The following LRRC4B variants were observed in gnomAD, a reference collection of about 807,000 sequenced individuals.
LRRC4B encodes leucine rich repeat containing 4B.
Under a neutral mutation model 7.3 loss-of-function variants are expected in LRRC4B, and 1 was observed. The ratio of observed to expected loss-of-function variants is 0.14; its 90% CI spans 0.05 to 0.65. LRRC4B has a LOEUF of 0.65. Ranked by LOEUF, LRRC4B falls within the 30% of genes least tolerant of loss-of-function variation. LRRC4B has a pLI of 0.84. For missense variants in LRRC4B, 730 were observed against 1,041.6 expected (o/e 0.70, Z 4.12); for synonymous variants, 500 against 499.2 (o/e 1.00, Z -0.02).
chr19:50,543,914 A>G (rs1424173891), intron 2 of LRRC4B, among the ~76,000 whole-genome samples: 1 of 151,276 alleles, frequency 6.6e-6, no homozygotes, highest in Non-Finnish European at 1.5e-5. Flanking sequence ...TGGTTAAATA[A>G]CAGGATGCTG....
intron 2 of LRRC4B, among the ~76,000 whole-genome samples, chr19:50,538,425 A>C (rs1981388009): frequency 6.6e-6 from 1 of 152,128 alleles, no homozygotes; most frequent in Non-Finnish European, 1.5e-5. Flanking sequence ...CAAAAGCTCC[A>C]TGTTTCATGC....
chr19:50,554,548 G>T (rs1301582470), intron 1 of LRRC4B, among the ~76,000 whole-genome samples: 2 of 152,172 alleles, frequency 1.3e-5, no homozygotes, highest in Non-Finnish European at 2.9e-5. Context: ...CCTGGCCCCA[G>T]TTGTCCCCAG....
At chr19:50,533,773 A>G (rs1328916803) in intron 2 of LRRC4B, among the ~76,000 whole-genome samples, 3 of 152,234 alleles carry the variant, frequency 2.0e-5, no homozygotes, top group African/African-American at 7.2e-5. Flanking sequence ...ATTCTGTCAC[A>G]TGGGGGTTAT....
At chr19:50,530,168 G>C (rs1980991520) in intron 2 of LRRC4B, among the ~76,000 whole-genome samples, 1 of 152,120 alleles carries the variant, frequency 6.6e-6, no homozygotes, top group Admixed American at 6.5e-5. Context: ...GCAGCCTCCT[G>C]CCTGGGCTTC....
chr19:50,529,871 C>A (rs554508376), intron 2 of LRRC4B, among the ~76,000 whole-genome samples: 1 of 152,248 alleles, frequency 6.6e-6, no homozygotes, highest in Non-Finnish European at 1.5e-5. Flanking sequence ...CCCCCTGGAA[C>A]TTTCCCCCTC....
In LRRC4B at chr19:50,520,090, C is replaced by T. The variant is rs148794587; in HGVS notation, c.298-675G>A. Among the ~76,000 whole-genome samples the T allele has an allele frequency of 3.7e-4, 55 of 148,910 alleles. No individual in the cohort carries two copies. In the East Asian group the frequency reaches 0.01, roughly 27 times the overall value. On this transcript the variant is annotated intron_variant, in intron 2 of 2. Transcript: ENST00000652263. ...GCGTGGTGGCATGTGCCTGTTGTCC[C>T]AGCTACTAGGGAGGCTGAGGTGGGA...
chr19:50,531,293 C>T (rs1334809432), intron 2 of LRRC4B, among the ~76,000 whole-genome samples: 9 of 152,240 alleles, frequency 5.9e-5, no homozygotes, highest in Admixed American at 2.6e-4. Context: ...GCAGGGCTGC[C>T]GGTCCCGGGG....
At chr19:50,529,879 C>A (rs1260227801) in intron 2 of LRRC4B, among the ~76,000 whole-genome samples, 1 of 152,152 alleles carries the variant, frequency 6.6e-6, no homozygotes, top group Admixed American at 6.5e-5. Flanking sequence ...AACTTTCCCC[C>A]TCTCTGGGTT....
intron 1 of LRRC4B, among the ~76,000 whole-genome samples, chr19:50,561,116 C>T (rs925586003): frequency 1.3e-5 from 2 of 152,080 alleles, no homozygotes; most frequent in Admixed American, 6.6e-5. Context: ...GGTATTTATT[C>T]TTACGGGTCA....
chr19:50,539,810 C>A lies in LRRC4B; in HGVS notation c.297+8732G>T, dbSNP rs1387660671. ...GCTGAGGCAGGAGAATTGCTTGAAC[C>A]CGAGAGGTGGAAGTTGCAGTGAACC... On this transcript the variant is annotated intron_variant, in intron 2 of 2. Transcript: ENST00000652263. Among the ~76,000 whole-genome samples the A allele has an allele frequency of 4.0e-5, 6 of 151,448 alleles. No individual in the cohort carries two copies. In the East Asian group the frequency reaches 1.2e-3, roughly 29 times the overall value.
intron 1 of LRRC4B, among the ~76,000 whole-genome samples, chr19:50,552,084 A>C (rs974196786): frequency 1.3e-5 from 2 of 152,114 alleles, no homozygotes; most frequent in Non-Finnish European, 2.9e-5. Context: ...GGGCTGCCCA[A>C]GAAAGGGGGG....
intron 2 of LRRC4B, among the ~76,000 whole-genome samples, chr19:50,524,410 T>C (rs894832253): frequency 1.3e-5 from 2 of 152,154 alleles, no homozygotes; most frequent in African/African-American, 2.4e-5. Context: ...CACACCTGGC[T>C]AATTTTATTT....
At chr19:50,566,382 G>C (rs1318907699) in intron 1 of LRRC4B, among the ~76,000 whole-genome samples, 1 of 150,996 alleles carries the variant, frequency 6.6e-6, no homozygotes, top group African/African-American at 2.4e-5. Context: ...GCGGGGAGGG[G>C]GCCGAGGGGC....
chr19:50,567,291 C>T (rs1211209667), intron 1 of LRRC4B, among the ~76,000 whole-genome samples: 1 of 151,454 alleles, frequency 6.6e-6, no homozygotes, highest in African/African-American at 2.4e-5. Context: ...GGCAGGGGTC[C>T]GAGCCGCCCA....
rs1982158856 is a variant in LRRC4B, at chr19:50,553,140, C to T, written c.-35-4267G>A. 6.6e-6 allele frequency among the ~76,000 whole-genome samples: 1 copy of T among 152,176 alleles called. No homozygotes were observed. Among genetic ancestry groups the T allele is most frequent in the Non-Finnish European group, 1.5e-5 (1 of 68,042 alleles). Reference sequence around the variant, plus strand: ...CCCAGAATCAGAGGATCTTTCTCCCCACGCCCAGGCTACTTCCCTGACCTG... The same window carrying T: ...CCCAGAATCAGAGGATCTTTCTCCCTACGCCCAGGCTACTTCCCTGACCTG... On this transcript the variant is annotated intron_variant, in intron 1 of 2. Transcript: ENST00000652263. The surrounding 1 kb of genome is among the most constrained non-coding windows in gnomAD (Gnocchi z 4.2).
At chr19:50,539,873 C>T (rs548604746) in intron 2 of LRRC4B, among the ~76,000 whole-genome samples, 1 of 141,040 alleles carries the variant, frequency 7.1e-6, no homozygotes. Flanking sequence ...GGGGACAGTG[C>T]GAGACTCCAT....
At chr19:50,550,468 TCTCACGGTGGACTCTCAGGAC>T (rs1982007742) in intron 1 of LRRC4B, among the ~76,000 whole-genome samples, 2 of 92,196 alleles carry the variant, frequency 2.2e-5, no homozygotes, top group African/African-American at 8.0e-5. Context: ...AGGACCCCCC[TCTCACGGTGGACTCTCAGGAC>T]CCCCGACACA....
At chr19:50,530,931 G>GT (rs372324742) in intron 2 of LRRC4B, among the ~76,000 whole-genome samples, 5 of 132,384 alleles carry the variant, frequency 3.8e-5, no homozygotes, top group Admixed American at 3.6e-4. Flanking sequence ...AGAAACCTGG[G>GT]GGGGGGGGGT....
intron 1 of LRRC4B, among the ~76,000 whole-genome samples, chr19:50,552,033 C>T (rs558193096): frequency 2.6e-5 from 4 of 152,112 alleles, no homozygotes; most frequent in African/African-American, 7.2e-5. Context: ...AGGAGGCAGC[C>T]GAGGAAGGTC....
Sources: gnomAD v4.1 joint callset for allele counts (sites outside exome capture counted in the v4.1 genomes callset) on GRCh38, gnomAD v4.1.1 for gene constraint, Gnocchi (gnomAD v3.1) non-coding constraint, MANE v1.5 for transcripts, NCBI Gene and HGNC (gene_info 2026-07-23, HGNC 2026-07-21) for gene names.